The following C10orf67 variants were observed in gnomAD, a reference collection of about 807,000 sequenced individuals.
C10orf67 encodes the protein uncharacterized protein C10orf67, mitochondrial.
Under a neutral mutation model 35.6 loss-of-function variants are expected in C10orf67, and 60 were observed. The ratio of observed to expected loss-of-function variants is 1.68; its 90% CI spans 1.37 to 2.09. The LOEUF is 2.09. Ranked by LOEUF, C10orf67 falls within the 30% of genes most tolerant of loss-of-function variation. The pLI is 0.00. For missense variants in C10orf67, 474 were observed against 330.2 expected (o/e 1.44, Z -3.38); for synonymous variants, 167 against 115.8 (o/e 1.44, Z -2.84).
intron 8 of C10orf67, among the ~76,000 whole-genome samples, chr10:23,275,415 TC>T: frequency 2.0e-5 from 3 of 152,170 alleles, no homozygotes; most frequent in African/African-American, 4.8e-5. Context: ...TCAAAACCCT[TC>T]GGGAAGAGAT....
intron 8 of C10orf67, among the ~76,000 whole-genome samples, chr10:23,276,099 G>A (rs1843179994): frequency 1.3e-5 from 2 of 152,158 alleles, no homozygotes; most frequent in South Asian, 4.1e-4. Flanking sequence ...TTCTCAGGAT[G>A]TAGGGCTTTC....
rs1410305777 is a variant in C10orf67, at chr10:23,303,477, CAGCATTAAAAATTAGACACTA to C, written c.547-39_547-19del. On this transcript the variant is annotated intron_variant, in intron 4 of 15. Coordinates refer to ENST00000636213, the MANE Select transcript of C10orf67 (RefSeq NM_001371909.1). ...AAGAATTGCTAGGGACAAAAAAAAG[CAGCATTAAAAATTAGACACTA>C]AGCATTAAAAATTAGGCACTTACAC... 1.6e-5 allele frequency: 8 copies of C among 505,372 alleles called. No homozygotes were observed. The highest frequency in any genetic ancestry group is 2.5e-5 in the Non-Finnish European group (7 of 278,420). The allele number at this position is 505,372 out of a possible 1,614,324, so 31.3% of individuals were successfully genotyped here.
chr10:23,207,465 T>C (rs1369191448), intron 15 of C10orf67, among the ~76,000 whole-genome samples: 3 of 152,202 alleles, frequency 2.0e-5, no homozygotes, highest in African/African-American at 7.2e-5. Context: ...GCTAATGAAC[T>C]AATGAATCGA....
At chr10:23,273,162 TG>T (rs1843079083) in intron 8 of C10orf67, among the ~76,000 whole-genome samples, 2 of 152,214 alleles carry the variant, frequency 1.3e-5, no homozygotes, top group African/African-American at 4.8e-5. Context: ...CCAATCTGGA[TG>T]TTATTTATTT....
At chr10:23,295,547 A>C (rs1843856766) in intron 5 of C10orf67, among the ~76,000 whole-genome samples, 3 of 152,188 alleles carry the variant, frequency 2.0e-5, no homozygotes, top group African/African-American at 4.8e-5. Context: ...ACTTGAAGCA[A>C]TTTACATTCA....
chr10:23,320,647 C>T (rs1844911949), intron 4 of C10orf67, 94 bp downstream of exon 4: 1 of 947,966 alleles, frequency 1.1e-6, no homozygotes, highest in African/African-American at 1.6e-5. Flanking sequence ...GAGCTGGAAA[C>T]ACAGACTGGG....
intron 8 of C10orf67, among the ~76,000 whole-genome samples, chr10:23,271,314 A>G (rs1387432865): frequency 6.6e-6 from 1 of 152,246 alleles, no homozygotes; most frequent in Non-Finnish European, 1.5e-5. Flanking sequence ...ACTCCGCTCT[A>G]TCTATTAATG....
chr10:23,337,329 T>A (rs959364319), intron 1 of C10orf67, among the ~76,000 whole-genome samples: 36 of 151,786 alleles, frequency 2.4e-4, no homozygotes, highest in African/African-American at 8.2e-4. Flanking sequence ...AGCTTAGGAG[T>A]TCGAGACCAG....
In C10orf67 at chr10:23,250,049, C is replaced by CT. The variant is rs547350270; in HGVS notation, c.1346+405dup. On this transcript the variant is annotated intron_variant, in intron 12 of 15. Transcript: ENST00000636213. ...AAAATAGATTTGAGAGGTTGAGGAACTGGAGCTGTTGTGTCTGGTAGAGGA... is the reference window on the plus strand; with the variant it reads ...AAAATAGATTTGAGAGGTTGAGGAACTTGGAGCTGTTGTGTCTGGTAGAGGA... Among the ~76,000 whole-genome samples, 790 of 152,250 alleles carry CT rather than the reference C, an allele frequency of 5.2e-3. 4 individuals are homozygous for CT. Among genetic ancestry groups the CT allele is most frequent in the Middle Eastern group, 0.024 (7 of 294 alleles).
At chr10:23,269,663 A>G (rs1233088960) in intron 8 of C10orf67, among the ~76,000 whole-genome samples, 1 of 152,146 alleles carries the variant, frequency 6.6e-6, no homozygotes, top group Non-Finnish European at 1.5e-5. Context: ...TTAAATATAA[A>G]TATACTGAGA....
At chr10:23,211,471 G>GTA (rs1841303599) in intron 15 of C10orf67, among the ~76,000 whole-genome samples, 1 of 122,492 alleles carries the variant, frequency 8.2e-6, no homozygotes, top group Non-Finnish European at 1.7e-5. Flanking sequence ...GTGTGTGTGT[G>GTA]TGTGTGTGGG....
intron 1 of C10orf67, among the ~76,000 whole-genome samples, chr10:23,342,733 T>G (rs1227825773): frequency 3.3e-5 from 5 of 152,224 alleles, no homozygotes; most frequent in Non-Finnish European, 1.5e-5. Flanking sequence ...CCAGGTCCCG[T>G]GCACCCTGAC....
At chr10:23,268,389 A>T (rs1588633380) in intron 8 of C10orf67, among the ~76,000 whole-genome samples, 1 of 152,354 alleles carries the variant, frequency 6.6e-6, no homozygotes, top group East Asian at 1.9e-4. Flanking sequence ...AGATTTTTTC[A>T]TAATATGAAT....
At position 23,223,029 on chromosome 10, in the gene C10orf67, A is replaced by G. The variant is rs1452718255; in HGVS notation, c.1570+569T>C. The stretch of plus-strand genomic sequence containing the variant: ...GGTTTGTTGGCAGTTTAATTTTAAA[A>G]AAAGAAATGACATTCCAACTAAGGC... On this transcript the variant is annotated intron_variant, in intron 15 of 15. Coordinates refer to ENST00000636213, the MANE Select transcript of C10orf67 (RefSeq NM_001371909.1). 2.0e-5 allele frequency among the ~76,000 whole-genome samples: 3 copies of G among 152,184 alleles called. No individual in the cohort carries two copies. The East Asian group carries it at 5.8e-4, about 29-fold the overall frequency.
At position 23,237,762 on chromosome 10, in the gene C10orf67, C is replaced by T. The variant is rs528123009; in HGVS notation, c.1434+1967G>A. 2.6e-5 allele frequency among the ~76,000 whole-genome samples: 4 copies of T among 152,174 alleles called. No individual in the cohort carries two copies. In the South Asian group the frequency reaches 8.3e-4, roughly 32 times the overall value. ...TCTGTAGTGATAGAAATCAAAACAA[C>T]GCTTATTTGGTGTGGTGATGGGGGC... On this transcript the variant is annotated intron_variant, in intron 13 of 15. Transcript: ENST00000636213.
intron 4 of C10orf67, among the ~76,000 whole-genome samples, chr10:23,307,080 C>A (rs1005956116): frequency 3.3e-5 from 5 of 152,158 alleles, no homozygotes; most frequent in African/African-American, 1.2e-4. Context: ...ACCTTGACAT[C>A]TTGTTTTAAG....
chr10:23,233,614 C>T (rs761724846), intron 13 of C10orf67, among the ~76,000 whole-genome samples: 6 of 152,044 alleles, frequency 3.9e-5, no homozygotes, highest in Non-Finnish European at 5.9e-5. Flanking sequence ...AAAATACTTT[C>T]GTGTGATAAA....
At chr10:23,308,636 T>C (rs570623068) in intron 4 of C10orf67, among the ~76,000 whole-genome samples, 1 of 152,160 alleles carries the variant, frequency 6.6e-6, no homozygotes, top group Non-Finnish European at 1.5e-5. Flanking sequence ...CTTGTCATTC[T>C]AGCAGAATGG....
chr10:23,245,810 TA>T (rs1342597009), intron 12 of C10orf67, among the ~76,000 whole-genome samples: 1 of 152,160 alleles, frequency 6.6e-6, no homozygotes, highest in Non-Finnish European at 1.5e-5. Flanking sequence ...TCAAAGAACT[TA>T]AAATAGAACT....
Sources: gnomAD v4.1 joint callset for allele counts (sites outside exome capture counted in the v4.1 genomes callset) on GRCh38, gnomAD v4.1.1 for gene constraint, MANE v1.5 for transcripts, NCBI Gene and HGNC (gene_info 2026-07-23, HGNC 2026-07-21) for gene names.